DHX40: variants seen among roughly 807,000 people sequenced by gnomAD.
DHX40 encodes probable ATP-dependent RNA helicase DHX40.
A neutral mutation model predicts 89.6 loss-of-function variants in DHX40; 28 were observed. The observed-to-expected ratio is 0.31, with a 90% CI of 0.23 to 0.43. The LOEUF (loss-of-function observed/expected upper bound fraction) is 0.43. DHX40 is among the 20% of genes least tolerant of loss of function. DHX40 has a pLI of 1.00. For synonymous variants in DHX40, 226 were observed against 283.6 expected (o/e 0.80, Z 2.04); for missense variants, 457 against 844.0 (o/e 0.54, Z 5.68).
chr17:59,585,960 G>C (rs1185902234), intron 10 of DHX40, among the ~76,000 whole-genome samples, 193 bp from the exon 11 acceptor site: 3 of 151,582 alleles, frequency 2.0e-5, no homozygotes, highest in African/African-American at 7.3e-5. Flanking sequence ...TTGAAGTAGA[G>C]GAGTGTGATT....
At chr17:59,602,069 C>T (rs1438175470) in intron 14 of DHX40, among the ~76,000 whole-genome samples, 1 of 152,208 alleles carries the variant, frequency 6.6e-6, no homozygotes, top group East Asian at 1.9e-4. Flanking sequence ...CAGCTCAACA[C>T]TTGAGGAGGA....
chr17:59,601,181 A>G (rs1430715598), intron 14 of DHX40, among the ~76,000 whole-genome samples: 3 of 151,572 alleles, frequency 2.0e-5, no homozygotes, highest in Admixed American at 6.6e-5. Context: ...GTTGTGGCAC[A>G]CACCTGTAGT....
At chr17:59,600,452 A>G (rs1270491517) in intron 14 of DHX40, among the ~76,000 whole-genome samples, 1 of 141,302 alleles carries the variant, frequency 7.1e-6, no homozygotes, top group Non-Finnish European at 1.5e-5. Context: ...AAATGGAATC[A>G]AACAGTATAT....
At chr17:59,604,959 A>C in intron 15 of DHX40, 156 bp from the exon 16 acceptor site, 1 of 637,784 alleles carries the variant, frequency 1.6e-6, no homozygotes, top group Non-Finnish European at 2.8e-6. Flanking sequence ...ATGAATTGGT[A>C]GAGAGCTTGT....
chr17:59,583,691 T>C (rs1234753255), intron 10 of DHX40, among the ~76,000 whole-genome samples: 3 of 128,016 alleles, frequency 2.3e-5, no homozygotes, highest in African/African-American at 2.6e-5. Context: ...TCATCCTGGC[T>C]AACACAGTGA....
intron 4 of DHX40, 79 bp downstream of exon 4, chr17:59,573,314 C>T: frequency 8.3e-7 from 1 of 1,206,740 alleles, no homozygotes; most frequent in Non-Finnish European, 1.1e-6. Flanking sequence ...AGAGAATTGC[C>T]TCCTCTTACT....
chr17:59,569,225 G>A (rs201676864), intron 2 of DHX40, among the ~76,000 whole-genome samples: 1 of 152,096 alleles, frequency 6.6e-6, no homozygotes, highest in African/African-American at 2.4e-5. Flanking sequence ...TTACTCAGGC[G>A]GCTGAGGCAG....
rs773676698 is a variant in DHX40, at chr17:59,605,478, C to A, written c.2004C>A (p.Ile668=). ...AACAGGAAACCAAACTTGAATGGAT[C>A]ATTTTTCATGAGGTATTGGTTACCA... ...LHEQETKLEW[I]IFHEVLVTTK... is the part of the protein sequence containing the mutation. Residue 668 remains isoleucine, a synonymous_variant, in exon 17 of 18, where the codon ATC becomes ATA. Coordinates refer to ENST00000251241, the MANE Select transcript of DHX40 (RefSeq NM_024612.5). 5 of 1,613,334 alleles carry A rather than the reference C, an allele frequency of 3.1e-6. No homozygotes were observed. The highest frequency in any genetic ancestry group is 2.2e-5 in the East Asian group (1 of 44,862).
At position 59,565,704 on chromosome 17, in the gene DHX40, G is replaced by A. The variant is rs763953767; in HGVS notation, c.33G>A (p.Ala11=). The A allele has an allele frequency of 1.9e-6, 3 of 1,603,350 alleles. No homozygotes were observed. Among genetic ancestry groups the A allele is most frequent in the Non-Finnish European group, 2.5e-6 (3 of 1,179,564 alleles). The change falls in exon 1 of 18, where the codon GCG becomes GCA. Residue 11 remains alanine (A), a synonymous_variant. Transcript: ENST00000251241. MSRFPAVAGR[A]PRRQEEGERS... ...GGTTTCCCGCAGTCGCGGGCAGGGCGCCAAGGCGGCAGGAGGAGGGTGAGC... is the reference window on the plus strand; with the variant it reads ...GGTTTCCCGCAGTCGCGGGCAGGGCACCAAGGCGGCAGGAGGAGGGTGAGC...
At chr17:59,601,120 C>G (rs1363801279) in intron 14 of DHX40, among the ~76,000 whole-genome samples, 1 of 146,652 alleles carries the variant, frequency 6.8e-6, no homozygotes, top group Non-Finnish European at 1.5e-5. Flanking sequence ...GCCTGGGCAA[C>G]ACAGTGAGAC....
In DHX40 at chr17:59,607,167, G is replaced by A; in HGVS notation, c.2335G>A (p.Gly779Ser). 6.2e-7 allele frequency: 1 copy of A among 1,614,228 alleles called. No homozygotes were observed. The highest frequency in any genetic ancestry group is 8.5e-7 in the Non-Finnish European group (1 of 1,180,040). Residue 779 changes from glycine (G) to serine (S), a missense_variant, in exon 18 of 18, where the codon GGC becomes AGC. By Grantham distance (56) the Gly-to-Ser change is moderately conservative. Transcript: ENST00000251241. The stretch of plus-strand genomic sequence containing the variant: ...CCACAGTGACACACGAAAGGAAACA[G>A]GCTAAGGTGGTGAACCCTCCAATTC... ...QDHSDTRKET[G>S]
intron 10 of DHX40, among the ~76,000 whole-genome samples, chr17:59,585,574 T>C (rs1305444385): frequency 6.7e-6 from 1 of 148,466 alleles, no homozygotes; most frequent in Non-Finnish European, 1.5e-5. Flanking sequence ...ATACAAAAAA[T>C]TAGCTAGGCG....
chr17:59,590,425 A>G (rs2049065129), intron 12 of DHX40, among the ~76,000 whole-genome samples: 1 of 150,256 alleles, frequency 6.7e-6, no homozygotes, highest in South Asian at 2.1e-4. Flanking sequence ...TCTAATCAAT[A>G]TACTGTTTCA....
intron 12 of DHX40, among the ~76,000 whole-genome samples, chr17:59,595,391 A>G (rs1246777255): frequency 6.6e-6 from 1 of 152,242 alleles, no homozygotes; most frequent in Admixed American, 6.5e-5. Flanking sequence ...CAATTTTTTC[A>G]ATAAATATAT....
intron 12 of DHX40, among the ~76,000 whole-genome samples, chr17:59,590,505 T>C (rs1259866387): frequency 1.3e-5 from 2 of 151,812 alleles, no homozygotes; most frequent in Non-Finnish European, 2.9e-5. Flanking sequence ...TCTCACTGTG[T>C]TGCCCAGGCT....
chr17:59,587,988 A>T lies in DHX40; in HGVS notation c.1517A>T (p.Asp506Val). 6.2e-7 allele frequency: 1 copy of T among 1,613,750 alleles called. No homozygotes were observed. Among genetic ancestry groups the T allele is most frequent in the Non-Finnish European group, 8.5e-7 (1 of 1,179,822 alleles). ...TCAVIKAASLDCEDLLLPIAA... is the reference protein window; with the variant it reads ...TCAVIKAASLVCEDLLLPIAA... ...GCAGTAATAAAAGCTGCTTCCCTGGATTGTGAAGATCTACTACTTCCAATA... is the reference window on the plus strand; with the variant it reads ...GCAGTAATAAAAGCTGCTTCCCTGGTTTGTGAAGATCTACTACTTCCAATA... Residue 506 changes from aspartate to valine, a missense_variant, in exon 12 of 18, where the codon GAT becomes GTT. Physicochemically the swap from Asp to Val is radical, Grantham distance 152 (BLOSUM62 -3). Coordinates refer to ENST00000251241, the MANE Select transcript of DHX40 (RefSeq NM_024612.5).
chr17:59,581,681 C>T (rs1328096561), intron 10 of DHX40, among the ~76,000 whole-genome samples: 1 of 76,458 alleles, frequency 1.3e-5, no homozygotes, highest in Non-Finnish European at 2.3e-5. Context: ...ATTACTTGAA[C>T]CCGGGAGGCA....
Position 59,570,508 on chromosome 17 carries a change from G to C in DHX40, c.281-10G>C. On this transcript the variant is annotated splice_polypyrimidine_tract_variant and intron_variant, in intron 2 of 17. Coordinates refer to ENST00000251241, the MANE Select transcript of DHX40 (RefSeq NM_024612.5). ...ACATTGTTGTGTTTCTTTATCTCTG[G>C]TTTTGATAGGGTTTTCACAACATGG... 1.3e-6 allele frequency: 2 copies of C among 1,583,588 alleles called. No individual in the cohort carries two copies. Among genetic ancestry groups the C allele is most frequent in the East Asian group, 2.4e-5 (1 of 41,948 alleles).
chr17:59,575,900 T>TG (rs1202698640), intron 7 of DHX40, among the ~76,000 whole-genome samples: 2 of 151,928 alleles, frequency 1.3e-5, no homozygotes, highest in African/African-American at 4.8e-5. Context: ...TGTTTTGTTT[T>TG]TTTTTTGTGA....
Sources: allele counts gnomAD v4.1 joint callset (sites outside exome capture counted in the v4.1 genomes callset), GRCh38; gene constraint gnomAD v4.1.1; transcripts MANE v1.5; gene names NCBI Gene and HGNC (gene_info 2026-07-23, HGNC 2026-07-21).